Variants in CTNNA3 observed in about 807,000 individuals in gnomAD.
CTNNA3 encodes catenin alpha 3, also known as catenin alpha-3.
In CTNNA3, 76 loss-of-function variants were observed where a neutral mutation model predicts 95.7. The observed-to-expected ratio is 0.79, with a 90% CI of 0.66 to 0.96. The LOEUF (loss-of-function observed/expected upper bound fraction) is 0.96. Ranked by LOEUF, CTNNA3 falls within the 40% of genes least tolerant of loss-of-function variation. CTNNA3 has a pLI of 0.00. For synonymous variants in CTNNA3, 431 were observed against 374.4 expected (o/e 1.15, Z -1.74); for missense variants, 1,191 against 1,089.8 (o/e 1.09, Z -1.31).
chr10:66,868,449 G>A (rs1358142420), intron 7 of CTNNA3, among the ~76,000 whole-genome samples: 1 of 151,270 alleles, frequency 6.6e-6, no homozygotes, highest in African/African-American at 2.4e-5. Context: ...GGCTCTGTGT[G>A]TTGACATAAA....
At chr10:67,187,936 T>C (rs748671547) in intron 6 of CTNNA3, among the ~76,000 whole-genome samples, 2 of 152,138 alleles carry the variant, frequency 1.3e-5, no homozygotes, top group Non-Finnish European at 2.9e-5. Context: ...CCCCAAGTAC[T>C]CTTCAACTTT....
intron 13 of CTNNA3, among the ~76,000 whole-genome samples, chr10:66,165,347 A>G (rs1419026020): frequency 6.6e-6 from 1 of 152,140 alleles, no homozygotes; most frequent in Non-Finnish European, 1.5e-5. Flanking sequence ...TGAAAAACTA[A>G]TTATTGGGCA....
chr10:65,952,684 C>T (rs755229850), intron 17 of CTNNA3, among the ~76,000 whole-genome samples: 36 of 152,158 alleles, frequency 2.4e-4, no homozygotes, highest in Admixed American at 2.2e-3. Flanking sequence ...TACTTGATTG[C>T]CTACATTCTG....
chr10:67,040,224 C>G (rs1854307819), intron 7 of CTNNA3, among the ~76,000 whole-genome samples: 1 of 152,110 alleles, frequency 6.6e-6, no homozygotes, highest in Non-Finnish European at 1.5e-5. Flanking sequence ...TCTCTGTGAA[C>G]TTGACATTTG....
intron 15 of CTNNA3, among the ~76,000 whole-genome samples, chr10:65,997,955 C>T (rs1338822631): frequency 2.6e-5 from 4 of 152,028 alleles, no homozygotes; most frequent in African/African-American, 4.8e-5. Context: ...GCAGAGGTTG[C>T]GGCGAGCCAA....
intron 13 of CTNNA3, among the ~76,000 whole-genome samples, chr10:66,205,263 T>C (rs978975573): frequency 2.6e-5 from 4 of 152,036 alleles, no homozygotes; most frequent in African/African-American, 9.7e-5. Context: ...TGAAACAATG[T>C]ATGATGACAC....
At chr10:67,369,796 C>A (rs529076172) in intron 5 of CTNNA3, among the ~76,000 whole-genome samples, 2 of 152,130 alleles carry the variant, frequency 1.3e-5, no homozygotes, top group East Asian at 3.9e-4. Flanking sequence ...AGAAAAATAA[C>A]CAAAGTTAAA....
At chr10:66,454,422 T>C (rs909526545) in intron 11 of CTNNA3, among the ~76,000 whole-genome samples, 8 of 152,132 alleles carry the variant, frequency 5.3e-5, no homozygotes, top group Non-Finnish European at 8.8e-5. Context: ...CATAGCATCA[T>C]AGGCATTAAG....
chr10:67,115,375 T>G (rs1859125278), intron 7 of CTNNA3, among the ~76,000 whole-genome samples: 1 of 151,894 alleles, frequency 6.6e-6, no homozygotes, highest in Non-Finnish European at 1.5e-5. Context: ...CATTAGGAGA[T>G]ATACCTAATG....
chr10:67,160,473 T>C (rs1861489832), intron 7 of CTNNA3, among the ~76,000 whole-genome samples: 1 of 147,948 alleles, frequency 6.8e-6, no homozygotes, highest in Non-Finnish European at 1.5e-5. Context: ...GGTCTTGCTC[T>C]GTCCCCCGGG....
In CTNNA3 at chr10:65,920,679, G is replaced by C. The variant is rs1055546759; in HGVS notation, c.2401-62C>G. 8 of 1,544,964 alleles carry C rather than the reference G, an allele frequency of 5.2e-6. No homozygotes were observed. The South Asian group carries it at 9.7e-5, about 19-fold the overall frequency. ...AGGAGGTTTTGTTAATTATTGCCAAGCGTGGGCATGGTGGCATGTGCCCGT... is the reference window on the plus strand; with the variant it reads ...AGGAGGTTTTGTTAATTATTGCCAACCGTGGGCATGGTGGCATGTGCCCGT... On this transcript the variant is annotated intron_variant, in intron 17 of 17. Transcript: ENST00000433211.
At chr10:67,177,357 TC>T (rs1862294395) in intron 7 of CTNNA3, among the ~76,000 whole-genome samples, 1 of 152,182 alleles carries the variant, frequency 6.6e-6, no homozygotes, top group Non-Finnish European at 1.5e-5. Flanking sequence ...TAAGCTGCAT[TC>T]ATTTCTCATT....
At chr10:67,316,181 T>C (rs1841044178) in intron 5 of CTNNA3, among the ~76,000 whole-genome samples, 1 of 152,154 alleles carries the variant, frequency 6.6e-6, no homozygotes, top group African/African-American at 2.4e-5. Flanking sequence ...ACTTGGTATT[T>C]AAAATGCCAT....
intron 10 of CTNNA3, among the ~76,000 whole-genome samples, chr10:66,547,306 A>C (rs548062527): frequency 3.7e-4 from 53 of 141,450 alleles, no homozygotes; most frequent in African/African-American, 1.2e-3. Flanking sequence ...CTTTTAAATG[A>C]GTATATAACT....
intron 5 of CTNNA3, among the ~76,000 whole-genome samples, chr10:67,422,829 G>A (rs917971347): frequency 6.6e-6 from 1 of 152,014 alleles, no homozygotes; most frequent in African/African-American, 2.4e-5. Flanking sequence ...TTCTTCATAA[G>A]TTACCCAGTC....
rs1389996666 is a variant in CTNNA3, at chr10:66,581,777, G to T, written c.1374+39915C>A. ...TCTTCTAGATCTTTTATGGTTTCAG[G>T]TCTTAGCTTCAGGTCTTTAGGTCTT... On this transcript the variant is annotated intron_variant, in intron 10 of 17. Transcript: ENST00000433211. Among the ~76,000 whole-genome samples, 5 of 151,524 alleles carry T rather than the reference G, an allele frequency of 3.3e-5. No individual in the cohort carries two copies. The East Asian group carries it at 5.8e-4, about 18-fold the overall frequency.
intron 9 of CTNNA3, among the ~76,000 whole-genome samples, chr10:66,745,480 G>C (rs1838823840): frequency 6.6e-6 from 1 of 152,030 alleles, no homozygotes; most frequent in African/African-American, 2.4e-5. Flanking sequence ...TGCTGACAAA[G>C]GATGTGCTCC....
At chr10:67,296,361 C>G (rs146803588) in intron 5 of CTNNA3, among the ~76,000 whole-genome samples, 1 of 152,260 alleles carries the variant, frequency 6.6e-6, no homozygotes, top group African/African-American at 2.4e-5. Context: ...TATATACATA[C>G]AGTAAACCCA....
chr10:66,504,327 A>T (rs889943331), intron 11 of CTNNA3, among the ~76,000 whole-genome samples: 2 of 152,194 alleles, frequency 1.3e-5, no homozygotes, highest in African/African-American at 4.8e-5. Flanking sequence ...TGTTCACAGC[A>T]CAGGCTCTGG....
Sources: allele counts gnomAD v4.1 joint callset (sites outside exome capture counted in the v4.1 genomes callset), GRCh38; gene constraint gnomAD v4.1.1; transcripts MANE v1.5; gene names NCBI Gene and HGNC (gene_info 2026-07-23, HGNC 2026-07-21).